The following MYO7A variants were observed in gnomAD, a reference collection of about 807,000 sequenced individuals.
MYO7A encodes the protein myosin VIIA.
In MYO7A, 210 loss-of-function variants were observed where a neutral mutation model predicts 263.8. The ratio of observed to expected loss-of-function variants is 0.80; its 90% CI spans 0.71 to 0.89. The LOEUF is 0.89. Ranked by LOEUF, MYO7A falls within the 40% of genes least tolerant of loss-of-function variation. MYO7A has a pLI of 0.00. For missense variants in MYO7A, 2,820 were observed against 2,968.3 expected (o/e 0.95, Z 1.16); for synonymous variants, 1,239 against 1,197.3 (o/e 1.03, Z -0.72).
intron 35 of MYO7A, among the ~76,000 whole-genome samples, 182 bp downstream of exon 35, chr11:77,200,000 G>A (rs1956949872): frequency 6.6e-6 from 1 of 152,198 alleles, no homozygotes; most frequent in Non-Finnish European, 1.5e-5. Flanking sequence ...TGGGCACGGT[G>A]GCTTATGCCT....
At chr11:77,197,332 T>C (rs1956737389) in intron 32 of MYO7A, 149 bp from the exon 33 acceptor site, 3 of 602,616 alleles carry the variant, frequency 5.0e-6, no homozygotes, top group Non-Finnish European at 5.8e-6. Context: ...ACAGGGTGGC[T>C]GCAGACAGAT....
intron 39 of MYO7A, 85 bp downstream of exon 39, chr11:77,204,314 T>A (rs1957290800): frequency 4.0e-6 from 6 of 1,496,484 alleles, no homozygotes; most frequent in Non-Finnish European, 5.4e-6. Context: ...AGCTGCTGGC[T>A]CTGCCTGGAT....
intron 22 of MYO7A, 142 bp from the exon 23 acceptor site, chr11:77,181,238 C>A: frequency 1.4e-6 from 1 of 720,214 alleles, no homozygotes; most frequent in Non-Finnish European, 2.2e-6. Context: ...GTGGGGAAGT[C>A]AGAGGCTCCA....
intron 18 of MYO7A, among the ~76,000 whole-genome samples, chr11:77,176,162 G>A (rs1354886157): frequency 6.6e-6 from 1 of 152,208 alleles, no homozygotes; most frequent in African/African-American, 2.4e-5. Flanking sequence ...TGGGGCCTGG[G>A]CACTCCAAGG....
Position 77,174,767 on chromosome 11 carries a change from G to A in MYO7A, c.1947G>A (p.Arg649=), listed in dbSNP as rs2135424505. Residue 649 remains arginine, a synonymous_variant, in exon 17 of 49, where the codon CGG becomes CGA. Transcript: ENST00000409709. ...TGTGTGCCTGGCAGCTGTTCGACCG[G>A]CACCTGTGCGTGCGCCAGCTGCGGT... ...NEFKKPMLFD[R]HLCVRQLRYS... 1 of 1,595,548 alleles carries A rather than the reference G, an allele frequency of 6.3e-7. No individual in the cohort carries two copies. The highest frequency in any genetic ancestry group is 8.5e-7 in the Non-Finnish European group (1 of 1,171,706).
chr11:77,139,161 G>C (rs558665786), intron 2 of MYO7A, among the ~76,000 whole-genome samples: 1 of 152,352 alleles, frequency 6.6e-6, no homozygotes, highest in Non-Finnish European at 1.5e-5. Flanking sequence ...GGCCCAGAAA[G>C]ATTGAGTGCC....
chr11:77,201,260 C>T (rs1294947908), intron 35 of MYO7A, among the ~76,000 whole-genome samples, 188 bp from the exon 36 acceptor site: 1 of 152,160 alleles, frequency 6.6e-6, no homozygotes, highest in Non-Finnish European at 1.5e-5. Context: ...CAATGAGGAG[C>T]CGTGGAAGGC....
At chr11:77,210,112 T>A (rs919721324) in intron 44 of MYO7A, among the ~76,000 whole-genome samples, 4 of 152,228 alleles carry the variant, frequency 2.6e-5, no homozygotes, top group Admixed American at 6.5e-5. Flanking sequence ...CTTGTTATAT[T>A]CTCTTACAGC....
intron 15 of MYO7A, among the ~76,000 whole-genome samples, chr11:77,167,606 G>T (rs1177046419): frequency 1.3e-5 from 2 of 152,146 alleles, no homozygotes; most frequent in East Asian, 1.9e-4. Context: ...CCCCAAAGGT[G>T]CTGGGTACCC....
At position 77,194,505 on chromosome 11, in the gene MYO7A, C is replaced by T; in HGVS notation, c.4304C>T (p.Ala1435Val). Reference sequence around the variant, plus strand: ...ACGCTGGAGAAGTGGGCCCAGCTGGCCATCGCCGCCCACAAGAAGGTAGAA... The same window carrying T: ...ACGCTGGAGAAGTGGGCCCAGCTGGTCATCGCCGCCCACAAGAAGGTAGAA... ...LKTLEKWAQL[A>V]IAAHKKGIYA... The change falls in exon 32 of 49, where the codon GCC becomes GTC. Residue 1435 changes from alanine (A) to valine (V), a missense_variant. Physicochemically the swap from Ala to Val is moderately conservative, Grantham distance 64 (BLOSUM62 0). Coordinates refer to ENST00000409709, the MANE Select transcript of MYO7A (RefSeq NM_000260.4). 1.2e-6 allele frequency: 2 copies of T among 1,601,808 alleles called. No homozygotes were observed. Among genetic ancestry groups the T allele is most frequent in the Non-Finnish European group, 1.7e-6 (2 of 1,174,514 alleles).
At chr11:77,182,915 G>T in intron 25 of MYO7A, 153 bp from the exon 26 acceptor site, 1 of 759,266 alleles carries the variant, frequency 1.3e-6, no homozygotes, top group African/African-American at 1.7e-5. Flanking sequence ...GGGGGTGCAA[G>T]GGTAGGGGTG....
rs1955826463 is a variant in MYO7A, at chr11:77,188,912, G to A, written c.3504-432G>A. ...CTGTTTCCGCTTTGTCCGTTGCCATGGGTAGAAGTTGCACCTGCTGCCGTG... is the reference window on the plus strand; with the variant it reads ...CTGTTTCCGCTTTGTCCGTTGCCATAGGTAGAAGTTGCACCTGCTGCCGTG... On this transcript the variant is annotated intron_variant, in intron 27 of 48. Coordinates refer to ENST00000409709, the MANE Select transcript of MYO7A (RefSeq NM_000260.4). Among the ~76,000 whole-genome samples, 4 of 152,304 alleles carry A rather than the reference G, an allele frequency of 2.6e-5. No individual in the cohort carries two copies. In the South Asian group the frequency reaches 8.3e-4, roughly 32 times the overall value.
intron 12 of MYO7A, 91 bp downstream of exon 12, chr11:77,161,206 G>T (rs1185567652): frequency 2.1e-5 from 31 of 1,499,416 alleles, no homozygotes; most frequent in Non-Finnish European, 2.7e-5. Flanking sequence ...ACATTTAGTT[G>T]GCTCCTGGCA....
intron 2 of MYO7A, among the ~76,000 whole-genome samples, chr11:77,139,817 C>G (rs545394932): frequency 6.6e-6 from 1 of 152,326 alleles, no homozygotes; most frequent in Admixed American, 6.5e-5. Context: ...TCCTTTCTCT[C>G]TTTGGCCCTC....
chr11:77,155,762 G>C (rs758322002), intron 4 of MYO7A, 145 bp from the exon 5 acceptor site: 12 of 854,364 alleles, frequency 1.4e-5, no homozygotes, highest in Middle Eastern at 2.3e-4. Context: ...AAGGAGGCCC[G>C]ATTCTGGCTC....
At chr11:77,154,263 T>C (rs1555059605) in intron 4 of MYO7A, among the ~76,000 whole-genome samples, 2 of 152,194 alleles carry the variant, frequency 1.3e-5, no homozygotes, top group Non-Finnish European at 2.9e-5. Flanking sequence ...GGGATGTTCT[T>C]TGGGGCTGGT....
intron 5 of MYO7A, 49 bp downstream of exon 5, chr11:77,156,140 T>C (rs1555062005): frequency 3.1e-6 from 5 of 1,591,920 alleles, no homozygotes; most frequent in Non-Finnish European, 4.3e-6. Flanking sequence ...GACCTAGAGC[T>C]CCAACTGTGC....
intron 32 of MYO7A, among the ~76,000 whole-genome samples, chr11:77,197,217 C>T (rs914491791): frequency 6.6e-5 from 10 of 152,372 alleles, no homozygotes; most frequent in South Asian, 2.1e-4. Flanking sequence ...GAACTGGGAA[C>T]TCCCTGGAGG....
intron 21 of MYO7A, 80 bp downstream of exon 21, chr11:77,180,033 AG>A (rs1356113122): frequency 7.1e-7 from 1 of 1,399,530 alleles, no homozygotes; most frequent in Non-Finnish European, 9.5e-7. Flanking sequence ...GGTGTTGGCC[AG>A]GAAGTGGGAC....
Sources: allele counts gnomAD v4.1 joint callset (sites outside exome capture counted in the v4.1 genomes callset), GRCh38; gene constraint gnomAD v4.1.1; transcripts MANE v1.5; gene names NCBI Gene and HGNC (gene_info 2026-07-23, HGNC 2026-07-21).